H2BC10: variants seen among roughly 807,000 people sequenced by gnomAD.
H2BC10 encodes the protein H2B clustered histone 10.
In H2BC10, 6 loss-of-function variants were observed where a neutral mutation model predicts 6.4. That is an observed-to-expected ratio of 0.93 (90% confidence interval 0.51 to 1.84). H2BC10 has a LOEUF of 1.84. Among genes scored for constraint, H2BC10 ranks in the 40% most tolerant of loss-of-function variants. The pLI is 0.01. For missense variants in H2BC10, 191 were observed against 168.7 expected (o/e 1.13, Z -0.73); for synonymous variants, 120 against 72.8 (o/e 1.65, Z -3.30).
rs147739816 is a variant in H2BC10 at position 26,273,006 on chromosome 6, C to G, written c.31C>G (p.Pro11Ala). MPEPAKSAPA[P>A]KKGSKKAVTK... Reference sequence around the variant, plus strand: ...TGAACCAGCTAAGTCAGCTCCCGCCCCGAAGAAGGGCTCCAAGAAGGCGGT... The same window carrying G: ...TGAACCAGCTAAGTCAGCTCCCGCCGCGAAGAAGGGCTCCAAGAAGGCGGT... Residue 11 changes from proline (P) to alanine (A), a missense_variant, in exon 1 of 1, where the codon CCG becomes GCG. By Grantham distance (27) the Pro-to-Ala change is conservative. Transcript: ENST00000377733. 2.5e-4 allele frequency: 403 copies of G among 1,614,186 alleles called. 2 individuals are homozygous for G. In the Middle Eastern group the frequency reaches 4.3e-3, roughly 17 times the overall value.
chr6:26,273,378 G>C lies in H2BC10; in HGVS notation c.*22G>C. On this transcript the variant is annotated 3_prime_UTR_variant, in exon 1 of 1. Transcript: ENST00000377733. ...GTAAACTAGTTACCTGGGTAAAAGC[G>C]CTAACGACCCAAAGGCTCTTCTAAG... 1 of 1,609,310 alleles carries C rather than the reference G, an allele frequency of 6.2e-7. No homozygotes were observed. Among genetic ancestry groups the C allele is most frequent in the Non-Finnish European group, 8.5e-7 (1 of 1,178,018 alleles).
rs1448052802 is a variant in H2BC10, at chr6:26,273,298, C to T, written c.323C>T (p.Ala108Val). The change falls in exon 1 of 1, where the codon GCC (alanine) becomes GTC (valine). Residue 108 changes from alanine (A) to valine (V), a missense_variant. Coordinates refer to ENST00000377733, the MANE Select transcript of H2BC10 (RefSeq NM_003525.3). ...CGCCTGCTGCTACCCGGGGAGCTGG[C>T]CAAACACGCGGTGTCGGAGGGCACC... The part of the protein sequence containing the change: ...AVRLLLPGEL[A>V]KHAVSEGTKA... 1 of 1,614,178 alleles carries T rather than the reference C, an allele frequency of 6.2e-7. No homozygotes were observed. The highest frequency in any genetic ancestry group is 1.1e-5 in the South Asian group (1 of 91,086).
Position 26,273,328 on chromosome 6 carries a change from C to T in H2BC10, c.353C>T (p.Ala118Val), listed in dbSNP as rs758401818. The T allele has an allele frequency of 1.9e-6, 3 of 1,614,148 alleles. No homozygotes were observed. The highest frequency in any genetic ancestry group is 2.5e-6 in the Non-Finnish European group (3 of 1,179,988). The change falls in exon 1 of 1, where the codon GCG becomes GTG. Residue 118 changes from alanine to valine, a missense_variant. Ala to Val is a moderately conservative substitution (Grantham distance 64). Coordinates refer to ENST00000377733, the MANE Select transcript of H2BC10 (RefSeq NM_003525.3). ...AKHAVSEGTK[A>V]VTKYTSSK is the part of the protein sequence containing the mutation. ...CACGCGGTGTCGGAGGGCACCAAGG[C>T]GGTCACCAAGTACACCAGCTCCAAG...
chr6:26,273,142 C>G lies in H2BC10; in HGVS notation c.167C>G (p.Ser56Trp). 5 of 1,614,264 alleles carry G rather than the reference C, an allele frequency of 3.1e-6. No homozygotes were observed. Among genetic ancestry groups the G allele is most frequent in the Non-Finnish European group, 4.2e-6 (5 of 1,180,046 alleles). The change falls in exon 1 of 1, where the codon TCG becomes TGG. Residue 56 changes from serine to tryptophan, a missense_variant. Physicochemically the swap from Ser to Trp is radical, Grantham distance 177 (BLOSUM62 -3). Transcript: ENST00000377733. ...CAGGTCCACCCCGACACCGGCATCTCGTCCAAGGCTATGGGGATTATGAAC... is the reference window on the plus strand; with the variant it reads ...CAGGTCCACCCCGACACCGGCATCTGGTCCAAGGCTATGGGGATTATGAAC... ...LKQVHPDTGI[S>W]SKAMGIMNSF...
In H2BC10 at chr6:26,273,297, G is replaced by T; in HGVS notation, c.322G>T (p.Ala108Ser). Residue 108 changes from alanine to serine, a missense_variant, in exon 1 of 1, where the codon GCC becomes TCC. Physicochemically the swap from Ala to Ser is moderately conservative, Grantham distance 99. Coordinates refer to ENST00000377733, the MANE Select transcript of H2BC10 (RefSeq NM_003525.3). Reference sequence around the variant, plus strand: ...GCGCCTGCTGCTACCCGGGGAGCTGGCCAAACACGCGGTGTCGGAGGGCAC... The same window carrying T: ...GCGCCTGCTGCTACCCGGGGAGCTGTCCAAACACGCGGTGTCGGAGGGCAC... ...AVRLLLPGEL[A>S]KHAVSEGTKA... 6.2e-7 allele frequency: 1 copy of T among 1,614,198 alleles called. No individual in the cohort carries two copies. The highest frequency in any genetic ancestry group is 8.5e-7 in the Non-Finnish European group (1 of 1,180,022).
Position 26,273,214 on chromosome 6 carries a change from G to T in H2BC10, c.239G>T (p.Arg80Leu), listed in dbSNP as rs1472996842. Residue 80 changes from arginine to leucine, a missense_variant, in exon 1 of 1, where the codon CGC (arginine) becomes CTC (leucine). Arg to Leu is a moderately radical substitution (Grantham distance 102). Coordinates refer to ENST00000377733, the MANE Select transcript of H2BC10 (RefSeq NM_003525.3). ...GAGCGCATTGCAGGCGAGGCTTCCC[G>T]CCTGGCGCATTATAACAAGCGCTCG... ...IFERIAGEAS[R>L]LAHYNKRSTI... 1.2e-6 allele frequency: 2 copies of T among 1,614,182 alleles called. No individual in the cohort carries two copies. The highest frequency in any genetic ancestry group is 1.7e-5 in the Admixed American group (1 of 60,016).
rs772085025 is a variant in H2BC10, at chr6:26,273,366, C to T, written c.*10C>T. 2 of 1,612,766 alleles carry T rather than the reference C, an allele frequency of 1.2e-6. No individual in the cohort carries two copies. Among genetic ancestry groups the T allele is most frequent in the Non-Finnish European group, 1.7e-6 (2 of 1,179,462 alleles). ...CACCAGCTCCAAGTAAACTAGTTAC[C>T]TGGGTAAAAGCGCTAACGACCCAAA... On this transcript the variant is annotated 3_prime_UTR_variant, in exon 1 of 1. Coordinates refer to ENST00000377733, the MANE Select transcript of H2BC10 (RefSeq NM_003525.3).
Position 26,273,043 on chromosome 6 carries a change from A to C in H2BC10, c.68A>C (p.Gln23Pro), listed in dbSNP as rs750248068. The change falls in exon 1 of 1, where the codon CAG (glutamine) becomes CCG (proline). Residue 23 changes from glutamine to proline, a missense_variant. By Grantham distance (76) the Gln-to-Pro change is moderately conservative. Transcript: ENST00000377733. ...KGSKKAVTKA[Q>P]KKDGKKRKRS... ...TCCAAGAAGGCGGTGACCAAGGCAC[A>C]GAAGAAGGATGGCAAGAAGCGCAAG... 1 of 1,614,192 alleles carries C rather than the reference A, an allele frequency of 6.2e-7. No individual in the cohort carries two copies. The highest frequency in any genetic ancestry group is 1.1e-5 in the South Asian group (1 of 91,076).
chr6:26,273,062 G>C lies in H2BC10; in HGVS notation c.87G>C (p.Lys29Asn). 1.9e-6 allele frequency: 3 copies of C among 1,614,270 alleles called. No homozygotes were observed. The highest frequency in any genetic ancestry group is 2.2e-5 in the South Asian group (2 of 91,088). ...AGGCACAGAAGAAGGATGGCAAGAA[G>C]CGCAAGCGCAGCCGCAAGGAGAGCT... is the stretch of plus-strand genomic sequence containing the variant. ...VTKAQKKDGKKRKRSRKESYS... is the reference protein window; with the variant it reads ...VTKAQKKDGKNRKRSRKESYS... The change falls in exon 1 of 1, where the codon AAG (lysine) becomes AAC (asparagine). Residue 29 changes from lysine to asparagine, a missense_variant. Transcript: ENST00000377733.
In H2BC10 at chr6:26,273,181, A is replaced by G; in HGVS notation, c.206A>G (p.Asp69Gly). The G allele has an allele frequency of 6.2e-7, 1 of 1,614,216 alleles. No homozygotes were observed. The highest frequency in any genetic ancestry group is 1.1e-5 in the South Asian group (1 of 91,090). Reference protein sequence around the residue: ...AMGIMNSFVNDIFERIAGEAS... With the variant: ...AMGIMNSFVNGIFERIAGEAS... The stretch of plus-strand genomic sequence containing the variant: ...GGGATTATGAACTCCTTCGTCAACG[A>G]CATTTTCGAGCGCATTGCAGGCGAG... Residue 69 changes from aspartate (D) to glycine (G), a missense_variant, in exon 1 of 1, where the codon GAC (aspartate) becomes GGC (glycine). By Grantham distance (94) the Asp-to-Gly change is moderately conservative (BLOSUM62 -1). Coordinates refer to ENST00000377733, the MANE Select transcript of H2BC10 (RefSeq NM_003525.3).
rs1158558063 is a variant in H2BC10 at position 26,272,932 on chromosome 6, G to C, written c.-44G>C. The C allele has an allele frequency of 6.2e-7, 1 of 1,612,436 alleles. No individual in the cohort carries two copies. Among genetic ancestry groups the C allele is most frequent in the South Asian group, 1.1e-5 (1 of 91,014 alleles). ...ATAATGAGGGCGTTTGGGCTCACCA[G>C]CATTTTCCTGTGGTCATTTGACGGT... is the stretch of plus-strand genomic sequence containing the variant. On this transcript the variant is annotated 5_prime_UTR_variant, in exon 1 of 1. Transcript: ENST00000377733.
chr6:26,272,935 T>C lies in H2BC10; in HGVS notation c.-41T>C. ...ATGAGGGCGTTTGGGCTCACCAGCA[T>C]TTTCCTGTGGTCATTTGACGGTATC... On this transcript the variant is annotated 5_prime_UTR_variant, in exon 1 of 1. Transcript: ENST00000377733. 6.2e-7 allele frequency: 1 copy of C among 1,612,680 alleles called. No individual in the cohort carries two copies. The highest frequency in any genetic ancestry group is 8.5e-7 in the Non-Finnish European group (1 of 1,179,270).
At position 26,273,143 on chromosome 6, in the gene H2BC10, G is replaced by T. The variant is rs781635120; in HGVS notation, c.168G>T (p.Ser56=). 7 of 1,614,254 alleles carry T rather than the reference G, an allele frequency of 4.3e-6. No homozygotes were observed. In the Admixed American group the frequency reaches 6.7e-5, roughly 15 times the overall value. Residue 56 remains serine, a synonymous_variant, in exon 1 of 1, where the codon TCG becomes TCT. Transcript: ENST00000377733. ...LKQVHPDTGI[S]SKAMGIMNSF... is the part of the protein sequence containing the mutation. ...AGGTCCACCCCGACACCGGCATCTC[G>T]TCCAAGGCTATGGGGATTATGAACT...
At position 26,273,376 on chromosome 6, in the gene H2BC10, G is replaced by C. The variant is rs766936829; in HGVS notation, c.*20G>C. 1.2e-5 allele frequency: 20 copies of C among 1,610,190 alleles called. No homozygotes were observed. Among genetic ancestry groups the C allele is most frequent in the African/African-American group, 2.7e-5 (2 of 74,678 alleles). On this transcript the variant is annotated 3_prime_UTR_variant, in exon 1 of 1. Coordinates refer to ENST00000377733, the MANE Select transcript of H2BC10 (RefSeq NM_003525.3). ...AAGTAAACTAGTTACCTGGGTAAAA[G>C]CGCTAACGACCCAAAGGCTCTTCTA...
Position 26,273,093 on chromosome 6 carries a change from G to A in H2BC10, c.118G>A (p.Val40Met). 7.4e-6 allele frequency: 12 copies of A among 1,614,260 alleles called. No homozygotes were observed. Among genetic ancestry groups the A allele is most frequent in the Non-Finnish European group, 1.0e-5 (12 of 1,180,046 alleles). The change falls in exon 1 of 1, where the codon GTG becomes ATG. Residue 40 changes from valine to methionine, a missense_variant. Val to Met is a conservative substitution (Grantham distance 21). Coordinates refer to ENST00000377733, the MANE Select transcript of H2BC10 (RefSeq NM_003525.3). ...GCGCAGCCGCAAGGAGAGCTATTCC[G>A]TGTACGTGTACAAGGTGCTGAAGCA... ...RKRSRKESYS[V>M]YVYKVLKQVH... is the part of the protein sequence containing the mutation.
chr6:26,273,236 C>T lies in H2BC10; in HGVS notation c.261C>T (p.Arg87=), dbSNP rs776501537. 4 of 1,614,134 alleles carry T rather than the reference C, an allele frequency of 2.5e-6. No individual in the cohort carries two copies. The highest frequency in any genetic ancestry group is 2.2e-5 in the East Asian group (1 of 44,896). Residue 87 remains arginine (R), a synonymous_variant, in exon 1 of 1, where the codon CGC becomes CGT. Transcript: ENST00000377733. ...EASRLAHYNK[R]STITSREIQT... ...CCCGCCTGGCGCATTATAACAAGCG[C>T]TCGACCATCACTTCCAGGGAGATCC... is the stretch of plus-strand genomic sequence containing the variant.
rs767620317 is a variant in H2BC10 at position 26,273,287 on chromosome 6, C to G, written c.312C>G (p.Pro104=). ...AAACGGCTGTGCGCCTGCTGCTACC[C>G]GGGGAGCTGGCCAAACACGCGGTGT... ...EIQTAVRLLL[P]GELAKHAVSE... is the part of the protein sequence containing the mutation. Residue 104 remains proline (P), a synonymous_variant, in exon 1 of 1, where the codon CCC becomes CCG. Transcript: ENST00000377733. 20 of 1,614,058 alleles carry G rather than the reference C, an allele frequency of 1.2e-5. No homozygotes were observed. In the South Asian group the frequency reaches 2.0e-4, roughly 16 times the overall value.
rs1211009510 is a variant in H2BC10, at chr6:26,273,343, C to G, written c.368C>G (p.Thr123Ser). Residue 123 changes from threonine (T) to serine (S), a missense_variant, in exon 1 of 1, where the codon ACC (threonine) becomes AGC (serine). Coordinates refer to ENST00000377733, the MANE Select transcript of H2BC10 (RefSeq NM_003525.3). ...SEGTKAVTKY[T>S]SSK ...GGCACCAAGGCGGTCACCAAGTACA[C>G]CAGCTCCAAGTAAACTAGTTACCTG... 1.9e-6 allele frequency: 3 copies of G among 1,614,090 alleles called. No individual in the cohort carries two copies. The highest frequency in any genetic ancestry group is 8.5e-7 in the Non-Finnish European group (1 of 1,179,964).
Position 26,272,935 on chromosome 6 carries a change from T to A in H2BC10, c.-41T>A, listed in dbSNP as rs769155729. ...ATGAGGGCGTTTGGGCTCACCAGCATTTTCCTGTGGTCATTTGACGGTATC... is the reference window on the plus strand; with the variant it reads ...ATGAGGGCGTTTGGGCTCACCAGCAATTTCCTGTGGTCATTTGACGGTATC... On this transcript the variant is annotated 5_prime_UTR_variant, in exon 1 of 1. Coordinates refer to ENST00000377733, the MANE Select transcript of H2BC10 (RefSeq NM_003525.3). 3.7e-6 allele frequency: 6 copies of A among 1,612,680 alleles called. 1 individual carries two copies. In the South Asian group the frequency reaches 6.6e-5, roughly 18 times the overall value.
Sources: allele counts gnomAD v4.1 joint callset, GRCh38; gene constraint gnomAD v4.1.1; transcripts MANE v1.5; gene names NCBI Gene and HGNC (gene_info 2026-07-23, HGNC 2026-07-21).